Variants in NOC4L observed in about 807,000 individuals in gnomAD.
NOC4L encodes the protein nucleolar complex protein 4 homolog.
In NOC4L, 40 loss-of-function variants were observed where a neutral mutation model predicts 62.8. The ratio of observed to expected loss-of-function variants is 0.64; its 90% CI spans 0.49 to 0.83. The LOEUF is 0.83. Among genes scored for constraint, NOC4L ranks in the 40% least tolerant of loss-of-function variants. The pLI is 0.00. For missense variants in NOC4L, 927 were observed against 701.9 expected, an observed-to-expected ratio of 1.32 and a Z score of -3.62; for synonymous variants, 433 against 299.8, an observed-to-expected ratio of 1.44 and a Z score of -4.59.
At chr12:132,146,189 C>G in intron 3 of NOC4L, 1 of 448,324 alleles carries the variant, frequency 2.2e-6, no homozygotes, top group Non-Finnish European at 4.5e-6. Flanking sequence ...CCCAGGCAGC[C>G]ACTCCTGGAT....
At position 132,152,064 on chromosome 12, in the gene NOC4L, T is replaced by A. The variant is rs1348114800; in HGVS notation, c.1318-20T>A. The A allele has an allele frequency of 1.9e-6, 3 of 1,592,808 alleles. No homozygotes were observed. The highest frequency in any genetic ancestry group is 1.7e-6 in the Non-Finnish European group (2 of 1,171,838). ...GCGGGGGCCTGGGGCAGCTGCCTCTTAACGGCCCTACTGCCCCAGGCCCTC... is the reference window on the plus strand; with the variant it reads ...GCGGGGGCCTGGGGCAGCTGCCTCTAAACGGCCCTACTGCCCCAGGCCCTC... On this transcript the variant is annotated intron_variant, in intron 13 of 14. Transcript: ENST00000330579.
intron 10 of NOC4L, 33 bp from the exon 11 acceptor site, chr12:132,151,225 C>T (rs760245322): frequency 6.4e-7 from 1 of 1,572,240 alleles, no homozygotes; most frequent in South Asian, 1.1e-5. Flanking sequence ...CCGGGCCCTG[C>T]TCCATCCGCT....
Position 132,148,820 on chromosome 12 carries a change from G to C in NOC4L, c.826G>C (p.Val276Leu). The C allele has an allele frequency of 6.2e-7, 1 of 1,603,514 alleles. No individual in the cohort carries two copies. Among genetic ancestry groups the C allele is most frequent in the Non-Finnish European group, 8.5e-7 (1 of 1,177,996 alleles). ...LSLYKKVLLI[V>L]HDAILPQLAQ... ...CCTCTACAAGAAGGTGCTGCTGATT[G>C]TGCATGACGCCATCCTGCCGCAGCT... The change falls in exon 9 of 15, where the codon GTG (valine) becomes CTG (leucine). Residue 276 changes from valine to leucine, a missense_variant. Physicochemically the swap from Val to Leu is conservative, Grantham distance 32. Coordinates refer to ENST00000330579, the MANE Select transcript of NOC4L (RefSeq NM_024078.3).
chr12:132,151,771 A>G lies in NOC4L; in HGVS notation c.1268A>G (p.Glu423Gly), dbSNP rs769616627. 25 of 1,612,062 alleles carry G rather than the reference A, an allele frequency of 1.6e-5. No individual in the cohort carries two copies. The East Asian group carries it at 4.5e-4, about 29-fold the overall frequency. ...LDADPYDPGE[E>G]DPAQSRALES... The stretch of plus-strand genomic sequence containing the variant: ...GCCGACCCCTACGACCCTGGAGAGG[A>G]GGACCCAGCCCAGAGCCGGGCCTTG... The change falls in exon 13 of 15, where the codon GAG becomes GGG. Residue 423 changes from glutamate (E) to glycine (G), a missense_variant. Transcript: ENST00000330579.
In NOC4L at chr12:132,152,125, C is replaced by G; in HGVS notation, c.1359C>G (p.Ala453=). 7 of 1,612,436 alleles carry G rather than the reference C, an allele frequency of 4.3e-6. No individual in the cohort carries two copies. Among genetic ancestry groups the G allele is most frequent in the Non-Finnish European group, 5.9e-6 (7 of 1,179,862 alleles). ...ACCACCCTGAGGTGTCCAAAGCCGC[C>G]AGCGTCATCAACCAGGCCCTGTCCA... ...RHYHPEVSKA[A]SVINQALSMP... The change falls in exon 14 of 15, where the codon GCC becomes GCG. Residue 453 remains alanine, a synonymous_variant. Coordinates refer to ENST00000330579, the MANE Select transcript of NOC4L (RefSeq NM_024078.3).
At position 132,152,239 on chromosome 12, in the gene NOC4L, C is replaced by T. The variant is rs571521223; in HGVS notation, c.1431+42C>T. ...GGGTGCGAGGGTCTGGGCCACGGGGCGCTGAGCCAAGCCTGAGAGCCGCCG... is the reference window on the plus strand; with the variant it reads ...GGGTGCGAGGGTCTGGGCCACGGGGTGCTGAGCCAAGCCTGAGAGCCGCCG... On this transcript the variant is annotated intron_variant, in intron 14 of 14. Coordinates refer to ENST00000330579, the MANE Select transcript of NOC4L (RefSeq NM_024078.3). The T allele has an allele frequency of 3.4e-5, 54 of 1,599,056 alleles. No individual in the cohort carries two copies. The South Asian group carries it at 5.1e-4, about 15-fold the overall frequency.
rs151060360 is a variant in NOC4L, at chr12:132,148,287, G to T, written c.738+181G>T. On this transcript the variant is annotated intron_variant, in intron 7 of 14. Coordinates refer to ENST00000330579, the MANE Select transcript of NOC4L (RefSeq NM_024078.3). The stretch of plus-strand genomic sequence containing the variant: ...GAGGTGACGAGACCTGTGAACTCGG[G>T]ACCCTCCCTTGGGTCAGAGGCCACC... 4.7e-4 allele frequency among the ~76,000 whole-genome samples: 71 copies of T among 152,312 alleles called. No individual in the cohort carries two copies. The East Asian group carries it at 0.011, about 24-fold the overall frequency.
intron 13 of NOC4L, 49 bp from the exon 14 acceptor site, chr12:132,152,035 C>T (rs1452406355): frequency 6.6e-7 from 1 of 1,513,038 alleles, no homozygotes; most frequent in Admixed American, 2.1e-5. Flanking sequence ...GCTGGGGGCA[C>T]AGGGCGGGGG....
At chr12:132,147,575 T>C in intron 4 of NOC4L, 58 bp from the exon 5 acceptor site, 4 of 1,587,448 alleles carry the variant, frequency 2.5e-6, no homozygotes, top group Non-Finnish European at 3.4e-6. Context: ...GCTGCCTGCC[T>C]GGACCTTGCT....
chr12:132,151,555 A>G lies in NOC4L; in HGVS notation c.1145A>G (p.Glu382Gly). 1 of 1,609,740 alleles carries G rather than the reference A, an allele frequency of 6.2e-7. No individual in the cohort carries two copies. The highest frequency in any genetic ancestry group is 8.5e-7 in the Non-Finnish European group (1 of 1,179,192). Residue 382 changes from glutamate (E) to glycine (G), a missense_variant, in exon 12 of 15, where the codon GAG becomes GGG. Physicochemically the swap from Glu to Gly is moderately conservative, Grantham distance 98 (BLOSUM62 -2). Coordinates refer to ENST00000330579, the MANE Select transcript of NOC4L (RefSeq NM_024078.3). ...CGCCTGGCCCTGACGGCTCCCCCTG[A>G]GGCCCTGCTCATGGTCCTGCCTTTC... ...LARLALTAPPEALLMVLPFIC... is the reference protein window; with the variant it reads ...LARLALTAPPGALLMVLPFIC...
chr12:132,148,545 G>A, intron 7 of NOC4L, 64 bp from the exon 8 acceptor site: 3 of 1,532,748 alleles, frequency 2.0e-6, no homozygotes, highest in Non-Finnish European at 2.6e-6. Context: ...GGGTGCCCTG[G>A]CAGCTGCTCG....
At position 132,151,533 on chromosome 12, in the gene NOC4L, C is replaced by G; in HGVS notation, c.1123C>G (p.Leu375Val). 6.2e-7 allele frequency: 1 copy of G among 1,608,338 alleles called. No individual in the cohort carries two copies. The stretch of plus-strand genomic sequence containing the variant: ...CGCCTTCGCCAAGCGGCTGGCCCGC[C>G]TGGCCCTGACGGCTCCCCCTGAGGC... ...VAAFAKRLARLALTAPPEALL... is the reference protein window; with the variant it reads ...VAAFAKRLARVALTAPPEALL... The change falls in exon 12 of 15, where the codon CTG becomes GTG. Residue 375 changes from leucine to valine, a missense_variant. Transcript: ENST00000330579.
At chr12:132,146,989 G>A (rs1050092995) in intron 3 of NOC4L, among the ~76,000 whole-genome samples, 2 of 152,196 alleles carry the variant, frequency 1.3e-5, no homozygotes, top group Admixed American at 6.5e-5. Context: ...TGACACAGGT[G>A]ACGAGAGAGC....
chr12:132,148,960 C>A lies in NOC4L; in HGVS notation c.901+65C>A, dbSNP rs1323414990. The A allele has an allele frequency of 2.2e-4, 68 of 303,236 alleles. 3 individuals carry two copies. Among genetic ancestry groups the A allele is most frequent in the Non-Finnish European group, 3.6e-4 (60 of 167,272 alleles). The allele number at this position is 303,236 out of a possible 1,614,324, so 18.8% of individuals were successfully genotyped here. On this transcript the variant is annotated intron_variant, in intron 9 of 14. Transcript: ENST00000330579. ...CCTCGGTGAGTGCCGCCGCCTCACTCCTACCACACCCCTAATCCCCTCGGT... is the reference window on the plus strand; with the variant it reads ...CCTCGGTGAGTGCCGCCGCCTCACTACTACCACACCCCTAATCCCCTCGGT...
At chr12:132,150,848 T>C in intron 9 of NOC4L, 133 bp from the exon 10 acceptor site, 1 of 689,900 alleles carries the variant, frequency 1.4e-6, no homozygotes, top group South Asian at 1.7e-5. Flanking sequence ...GTCTCCAGCT[T>C]TGTGTCCGTG....
intron 5 of NOC4L, 31 bp from the exon 6 acceptor site, chr12:132,147,849 G>T: frequency 6.2e-7 from 1 of 1,609,622 alleles, no homozygotes; most frequent in East Asian, 2.2e-5. Flanking sequence ...ACTGGGGGGC[G>T]GCGTCCAGGC....
intron 7 of NOC4L, 98 bp downstream of exon 7, chr12:132,148,204 G>A: frequency 1.5e-6 from 2 of 1,290,978 alleles, no homozygotes; most frequent in Non-Finnish European, 2.2e-6. Flanking sequence ...CCTCACCAGA[G>A]GAAACTCCCA....
chr12:132,145,316 T>C (rs1485370343), intron 2 of NOC4L, among the ~76,000 whole-genome samples: 1 of 152,188 alleles, frequency 6.6e-6, no homozygotes, highest in Non-Finnish European at 1.5e-5. Context: ...AGAGAGGGGA[T>C]GTGGATCCTG....
intron 1 of NOC4L, 68 bp from the exon 2 acceptor site, chr12:132,144,786 G>A: frequency 6.5e-7 from 1 of 1,550,262 alleles, no homozygotes; most frequent in Admixed American, 1.9e-5. Context: ...GAACGGGTTG[G>A]GGGCAGCCTA....
Sources: gnomAD v4.1 joint callset for allele counts (sites outside exome capture counted in the v4.1 genomes callset) on GRCh38, gnomAD v4.1.1 for gene constraint, MANE v1.5 for transcripts, NCBI Gene and HGNC (gene_info 2026-07-23, HGNC 2026-07-21) for gene names.